CCDC27: variants seen among roughly 807,000 people sequenced by gnomAD.
CCDC27 encodes coiled-coil domain containing 27.
CCDC27 carries 80 observed loss-of-function variants against 80.3 expected under a neutral mutation model. The observed-to-expected ratio is 1.00, with a 90% CI of 0.83 to 1.20. The LOEUF is 1.20. Ranked by LOEUF, CCDC27 falls within the 50% of genes most tolerant of loss-of-function variation. CCDC27 has a pLI of 0.00. For synonymous variants in CCDC27, 342 were observed against 334.3 expected (o/e 1.02, Z -0.25); for missense variants, 815 against 809.4 (o/e 1.01, Z -0.08).
At chr1:3,752,846 G>A in intron 1 of CCDC27, 47 bp downstream of exon 1, 1 of 1,565,192 alleles carries the variant, frequency 6.4e-7, no homozygotes. Flanking sequence ...GAGGTGACCT[G>A]TTTCTTCTCC....
chr1:3,758,213 C>T (rs993255979), intron 4 of CCDC27, among the ~76,000 whole-genome samples: 7 of 152,096 alleles, frequency 4.6e-5, no homozygotes, highest in African/African-American at 9.7e-5. Flanking sequence ...ATTTTTGAGA[C>T]AGAGTCTCTC....
intron 4 of CCDC27, 82 bp downstream of exon 4, chr1:3,756,972 G>T (rs1642973888): frequency 1.3e-6 from 2 of 1,485,030 alleles, no homozygotes; most frequent in African/African-American, 1.4e-5. Context: ...CTCCCTGACA[G>T]GCTCTGGTTC....
chr1:3,765,019 G>C (rs577283257), intron 8 of CCDC27, among the ~76,000 whole-genome samples: 1 of 126,756 alleles, frequency 7.9e-6, no homozygotes, highest in South Asian at 2.7e-4. Context: ...TGGGCGACAA[G>C]AGCAAAACTC....
At chr1:3,764,943 G>C (rs539963289) in intron 8 of CCDC27, among the ~76,000 whole-genome samples, 1 of 151,416 alleles carries the variant, frequency 6.6e-6, no homozygotes, top group Non-Finnish European at 1.5e-5. Flanking sequence ...GCCAAGGCAG[G>C]AGAATCGCTT....
chr1:3,763,767 T>C lies in CCDC27; in HGVS notation c.1383T>C (p.Asn461=). The C allele has an allele frequency of 6.2e-7, 1 of 1,614,064 alleles. No homozygotes were observed. The highest frequency in any genetic ancestry group is 8.5e-7 in the Non-Finnish European group (1 of 1,179,978). The change falls in exon 8 of 12, where the codon AAT becomes AAC. Residue 461 remains asparagine, a synonymous_variant. Coordinates refer to ENST00000294600, the MANE Select transcript of CCDC27 (RefSeq NM_152492.3). This position sits in a 1 kb window ranked among gnomAD's most constrained non-coding sequence, Gnocchi z 7.5. ...AAGAAACCCAGCTGCGAAAGATCAA[T>C]ACGGAAAATGAGACGCTGCAGAAGG... ...DFQETQLRKI[N]TENETLQKEL... is the part of the protein sequence containing the mutation.
In CCDC27 at chr1:3,763,958, G is replaced by A; in HGVS notation, c.1452+122G>A. 1.4e-6 allele frequency: 2 copies of A among 1,435,776 alleles called. No homozygotes were observed. The highest frequency in any genetic ancestry group is 1.9e-6 in the Non-Finnish European group (2 of 1,080,558). 88.9% of individuals were successfully genotyped at this position (1,435,776 alleles called of 1,614,324 possible). A position where few individuals can be genotyped will look rare whatever the true frequency, so the allele number is the denominator to read the frequency against. ...TACTGATGGAGACTTTGAGCCTGGG[G>A]TGTCCAGGCAGCTGGCCCAGGGTTG... On this transcript the variant is annotated intron_variant, in intron 8 of 11. Transcript: ENST00000294600. The surrounding 1 kb of genome is among the most constrained non-coding windows in gnomAD (Gnocchi z 7.5).
chr1:3,769,043 T>C lies in CCDC27; in HGVS notation c.1744-740T>C, dbSNP rs751680481. ...GGCTGAGCCTCTCGGGCCCAGCTCC[T>C]GTGGGGCACCTCTGCGTCGTCAGGG... is the stretch of plus-strand genomic sequence containing the variant. On this transcript the variant is annotated intron_variant, in intron 10 of 11. Transcript: ENST00000294600. This position sits in a 1 kb window ranked among gnomAD's most constrained non-coding sequence, Gnocchi z 4.6. Among the ~76,000 whole-genome samples the C allele has an allele frequency of 2.6e-5, 4 of 152,166 alleles. No homozygotes were observed. Among genetic ancestry groups the C allele is most frequent in the Non-Finnish European group, 4.4e-5 (3 of 68,014 alleles).
In CCDC27 at chr1:3,760,188, G is replaced by A. The variant is rs1319839139; in HGVS notation, c.712-1093G>A. On this transcript the variant is annotated intron_variant, in intron 4 of 11. Coordinates refer to ENST00000294600, the MANE Select transcript of CCDC27 (RefSeq NM_152492.3). This position sits in a 1 kb window ranked among gnomAD's most constrained non-coding sequence, Gnocchi z 4.3. ...GGGACCATGGCTTGGGTGATGAAAT[G>A]TGATTTCTGCACTTTTTTTTCCCTT... 6.6e-6 allele frequency among the ~76,000 whole-genome samples: 1 copy of A among 152,180 alleles called. No homozygotes were observed. Among genetic ancestry groups the A allele is most frequent in the Admixed American group, 6.5e-5 (1 of 15,280 alleles).
intron 8 of CCDC27, among the ~76,000 whole-genome samples, chr1:3,765,506 C>A (rs1181874): frequency 0.65 from 99,462 of 152,112 alleles, 34,215 homozygotes; most frequent in African/African-American, 0.89. Flanking sequence ...TGTCTCTTAC[C>A]GATACTTTCT....
chr1:3,763,558 C>G lies in CCDC27; in HGVS notation c.1321+84C>G. On this transcript the variant is annotated intron_variant, in intron 7 of 11. Coordinates refer to ENST00000294600, the MANE Select transcript of CCDC27 (RefSeq NM_152492.3). The surrounding 1 kb of genome is among the most constrained non-coding windows in gnomAD (Gnocchi z 7.5). ...CTGGGACGCCCAGACGCTGCCTGCT[C>G]TGGTCAGTGAGCTGGAGCAGGGGCA... 2 of 1,552,098 alleles carry G rather than the reference C, an allele frequency of 1.3e-6. No individual in the cohort carries two copies. The highest frequency in any genetic ancestry group is 1.7e-6 in the Non-Finnish European group (2 of 1,147,386).
intron 4 of CCDC27, among the ~76,000 whole-genome samples, chr1:3,758,660 T>C (rs979405835): frequency 5.3e-5 from 8 of 152,228 alleles, no homozygotes; most frequent in African/African-American, 1.7e-4. Flanking sequence ...AGTGGAGTGA[T>C]CCCAGCTCCC....
At chr1:3,764,545 T>G (rs376911400) in intron 8 of CCDC27, among the ~76,000 whole-genome samples, 14 of 152,294 alleles carry the variant, frequency 9.2e-5, no homozygotes, top group East Asian at 5.8e-4. Flanking sequence ...CTCGTATCAT[T>G]CTATCACAAT....
In CCDC27 at chr1:3,771,608, T is replaced by C; in HGVS notation, c.*85T>C. The C allele has an allele frequency of 6.8e-7, 1 of 1,463,854 alleles. No homozygotes were observed. The highest frequency in any genetic ancestry group is 9.3e-7 in the Non-Finnish European group (1 of 1,073,596). The allele number at this position is 1,463,854 out of a possible 1,614,324, so 90.7% of individuals were successfully genotyped here. A position where few individuals can be genotyped will look rare whatever the true frequency, so the allele number is the denominator to read the frequency against. On this transcript the variant is annotated 3_prime_UTR_variant, in exon 12 of 12. Transcript: ENST00000294600. The stretch of plus-strand genomic sequence containing the variant: ...CACCCGCCCCCACCATGCGTCCTGC[T>C]CTCAGACTCAGAATTAAACCCCGGT...
intron 11 of CCDC27, 48 bp from the exon 12 acceptor site, chr1:3,771,353 A>T (rs1557634316): frequency 1.9e-6 from 3 of 1,612,186 alleles, no homozygotes; most frequent in Non-Finnish European, 2.5e-6. Flanking sequence ...CTCAAGGCCA[A>T]GGTGAGGAAC....
chr1:3,771,487 C>T lies in CCDC27; in HGVS notation c.1935C>T (p.Phe645=). Residue 645 remains phenylalanine, a synonymous_variant, in exon 12 of 12, where the codon TTC becomes TTT. Coordinates refer to ENST00000294600, the MANE Select transcript of CCDC27 (RefSeq NM_152492.3). The part of the protein sequence containing the change: ...KVPPLQQSEA[F]LTSKSKKGTS... Reference sequence around the variant, plus strand: ...CCCCCCTGCAACAGTCAGAGGCCTTCCTGACCAGCAAATCCAAGAAGGGGA... The same window carrying T: ...CCCCCCTGCAACAGTCAGAGGCCTTTCTGACCAGCAAATCCAAGAAGGGGA... 6.2e-7 allele frequency: 1 copy of T among 1,613,972 alleles called. No homozygotes were observed. The highest frequency in any genetic ancestry group is 8.5e-7 in the Non-Finnish European group (1 of 1,179,978).
At position 3,771,556 on chromosome 1, in the gene CCDC27, G is replaced by A. The variant is rs779940294; in HGVS notation, c.*33G>A. The A allele has an allele frequency of 5.6e-6, 9 of 1,610,244 alleles. No homozygotes were observed. Among genetic ancestry groups the A allele is most frequent in the Non-Finnish European group, 7.6e-6 (9 of 1,179,488 alleles). On this transcript the variant is annotated 3_prime_UTR_variant, in exon 12 of 12. Transcript: ENST00000294600. ...CAGGCCCCCAAATACGGTCAGCCCA[G>A]CAGAGGCCGGGGCCCAGCTCCAGAA...
rs760335993 is a variant in CCDC27, at chr1:3,755,490, T to C, written c.476T>C (p.Ile159Thr). ...SPTEADLSGE[I>T]DNSSETWRGT... ...ACTGAGGCCGATTTGTCCGGAGAGATTGACAACAGCTCGGAGACCTGGAGA... is the reference window on the plus strand; with the variant it reads ...ACTGAGGCCGATTTGTCCGGAGAGACTGACAACAGCTCGGAGACCTGGAGA... Residue 159 changes from isoleucine (I) to threonine (T), a missense_variant, in exon 3 of 12, where the codon ATT (isoleucine) becomes ACT (threonine). By Grantham distance (89) the Ile-to-Thr change is moderately conservative. Transcript: ENST00000294600. 17 of 1,614,180 alleles carry C rather than the reference T, an allele frequency of 1.1e-5. No individual in the cohort carries two copies. Among genetic ancestry groups the C allele is most frequent in the Non-Finnish European group, 1.4e-5 (16 of 1,180,026 alleles).
rs1281866711 is a variant in CCDC27 at position 3,768,401 on chromosome 1, C to T, written c.1743+956C>T. ...TGTGAGCTACCGTGCCTGGCCCTGA[C>T]CTTGATTTAGAATCCAAAATTAAGC... On this transcript the variant is annotated intron_variant, in intron 10 of 11. Coordinates refer to ENST00000294600, the MANE Select transcript of CCDC27 (RefSeq NM_152492.3). The surrounding 1 kb of genome is among the most constrained non-coding windows in gnomAD (Gnocchi z 5.6). Among the ~76,000 whole-genome samples the T allele has an allele frequency of 6.6e-6, 1 of 152,096 alleles. No individual in the cohort carries two copies. The highest frequency in any genetic ancestry group is 1.5e-5 in the Non-Finnish European group (1 of 68,030).
chr1:3,763,027 G>A lies in CCDC27; in HGVS notation c.955-81G>A. The A allele has an allele frequency of 7.1e-7, 1 of 1,416,778 alleles. No homozygotes were observed. Among genetic ancestry groups the A allele is most frequent in the South Asian group, 1.5e-5 (1 of 64,850 alleles). 87.8% of individuals were successfully genotyped at this position (1,416,778 alleles called of 1,614,324 possible). On this transcript the variant is annotated intron_variant, in intron 6 of 11. Coordinates refer to ENST00000294600, the MANE Select transcript of CCDC27 (RefSeq NM_152492.3). The surrounding 1 kb of genome is among the most constrained non-coding windows in gnomAD (Gnocchi z 7.5). ...CCTGGAAGGAGGCGCCCTCCCCGGT[G>A]CCCCCGCCATGAGCATTAGAGCCCT...
Sources: allele counts gnomAD v4.1 joint callset (sites outside exome capture counted in the v4.1 genomes callset), GRCh38; gene constraint gnomAD v4.1.1; non-coding constraint Gnocchi (gnomAD v3.1); transcripts MANE v1.5; gene names NCBI Gene and HGNC (gene_info 2026-07-23, HGNC 2026-07-21).